CADM2: variants seen among roughly 807,000 people sequenced by gnomAD.
The protein encoded by CADM2 is immunoglobulin superfamily member 4D.
CADM2 carries 12 observed loss-of-function variants against 49.8 expected under a neutral mutation model. That is an observed-to-expected ratio of 0.24 (90% CI 0.15 to 0.39). CADM2 has a LOEUF of 0.39. CADM2 is among the 10% of genes least tolerant of loss of function. CADM2 has a pLI of 1.00. For missense variants in CADM2, 378 were observed against 492.3 expected (o/e 0.77, Z 2.20); for synonymous variants, 214 against 175.4 (o/e 1.22, Z -1.74).
chr3:85,951,407 C>A (rs1394627294), intron 7 of CADM2, among the ~76,000 whole-genome samples: 1 of 150,870 alleles, frequency 6.6e-6, no homozygotes, highest in Admixed American at 6.6e-5. Flanking sequence ...TTATTCAATC[C>A]TCTCCTTCCA....
In CADM2 at chr3:85,197,400, T is replaced by C. The variant is rs534935716; in HGVS notation, c.61+237732T>C. 3.3e-5 allele frequency among the ~76,000 whole-genome samples: 5 copies of C among 152,086 alleles called. No individual in the cohort carries two copies. The South Asian group carries it at 8.3e-4, about 25-fold the overall frequency. On this transcript the variant is annotated intron_variant, in intron 1 of 9. Transcript: ENST00000383699. ...ACTTTATTTTTTCAACAAACATTGA[T>C]TTTGTGCATACTTTGTGCCACTCTG...
At chr3:85,583,331 G>A (rs2062849897) in intron 1 of CADM2, among the ~76,000 whole-genome samples, 1 of 152,086 alleles carries the variant, frequency 6.6e-6, no homozygotes. Flanking sequence ...GGTTGCCAAA[G>A]GCGAACTTCA....
intron 1 of CADM2, among the ~76,000 whole-genome samples, chr3:85,080,532 G>A (rs1015657208): frequency 2.6e-5 from 4 of 151,842 alleles, no homozygotes; most frequent in African/African-American, 7.3e-5. Context: ...CAGAATTGTC[G>A]GTAGCAGTAC....
intron 8 of CADM2, among the ~76,000 whole-genome samples, chr3:86,029,999 A>G (rs948873054): frequency 6.6e-6 from 1 of 152,036 alleles, no homozygotes; most frequent in African/African-American, 2.4e-5. Context: ...TTTAATCTGA[A>G]TGATCAAAAG....
At chr3:85,764,728 A>G (rs993437505) in intron 2 of CADM2, among the ~76,000 whole-genome samples, 1 of 152,070 alleles carries the variant, frequency 6.6e-6, no homozygotes, top group Non-Finnish European at 1.5e-5. Context: ...ACTCCTAAAG[A>G]AATTGCAAGT....
intron 6 of CADM2, among the ~76,000 whole-genome samples, chr3:85,923,693 T>C (rs1719456784): frequency 6.6e-6 from 1 of 152,206 alleles, no homozygotes; most frequent in Non-Finnish European, 1.5e-5. Flanking sequence ...TGATGATTTA[T>C]ATCACTTGCA....
intron 8 of CADM2, among the ~76,000 whole-genome samples, chr3:85,995,343 T>G (rs1330871296): frequency 6.6e-6 from 1 of 152,192 alleles, no homozygotes; most frequent in African/African-American, 2.4e-5. Context: ...GCATTAAAAT[T>G]ATGGTGGAAA....
chr3:85,041,022 G>A (rs753972443), intron 1 of CADM2, among the ~76,000 whole-genome samples: 7 of 152,022 alleles, frequency 4.6e-5, no homozygotes, highest in African/African-American at 7.2e-5. Context: ...TTAAATATCA[G>A]TTTGGACCCT....
At chr3:84,996,679 T>C (rs891002767) in intron 1 of CADM2, among the ~76,000 whole-genome samples, 8 of 152,128 alleles carry the variant, frequency 5.3e-5, no homozygotes, top group African/African-American at 1.7e-4. Flanking sequence ...ATTGCCCATA[T>C]TGTCTGTGCC....
chr3:85,802,001 T>G, intron 2 of CADM2, 46 bp from the exon 3 acceptor site: 1 of 1,528,536 alleles, frequency 6.5e-7, no homozygotes, highest in Non-Finnish European at 8.9e-7. Context: ...CAGTTAATCA[T>G]TTTATGACTT....
chr3:85,706,264 A>C (rs575975090), intron 1 of CADM2, among the ~76,000 whole-genome samples: 3 of 152,186 alleles, frequency 2.0e-5, no homozygotes, highest in Non-Finnish European at 4.4e-5. Flanking sequence ...GGTTGCTCCC[A>C]ATTTACTTTT....
chr3:85,144,382 G>A (rs772841385), intron 1 of CADM2, among the ~76,000 whole-genome samples: 53 of 151,924 alleles, frequency 3.5e-4, no homozygotes, highest in Admixed American at 1.6e-3. Context: ...AGACCGAGGC[G>A]GGCAGATCAC....
intron 1 of CADM2, among the ~76,000 whole-genome samples, chr3:85,044,689 T>C (rs2035579197): frequency 6.6e-6 from 1 of 152,158 alleles, no homozygotes; most frequent in Non-Finnish European, 1.5e-5. Flanking sequence ...GGAAAGTCAG[T>C]TGCCAAGAAA....
intron 1 of CADM2, among the ~76,000 whole-genome samples, chr3:85,688,714 C>T (rs1286959341): frequency 2.6e-5 from 4 of 151,920 alleles, no homozygotes; most frequent in African/African-American, 7.3e-5. Context: ...ATTACAGGCA[C>T]CCACCACCAC....
At chr3:86,023,732 A>G (rs531842799) in intron 8 of CADM2, among the ~76,000 whole-genome samples, 1 of 152,170 alleles carries the variant, frequency 6.6e-6, no homozygotes, top group African/African-American at 2.4e-5. Flanking sequence ...CCTATCTTCC[A>G]TGGCTGTGGT....
In CADM2 at chr3:85,749,794, T is replaced by C. The variant is rs539218932; in HGVS notation, c.88+23246T>C. ...GAATTCTACCATTCCTTTTGTTTTA[T>C]TTTCAAGTGCTAACATTTGCCTATC... On this transcript the variant is annotated intron_variant, in intron 2 of 9. Coordinates refer to ENST00000383699, the MANE Select transcript of CADM2 (RefSeq NM_001167675.2). 3.3e-5 allele frequency among the ~76,000 whole-genome samples: 5 copies of C among 152,170 alleles called. No individual in the cohort carries two copies. The South Asian group carries it at 1.0e-3, about 32-fold the overall frequency.
chr3:85,528,625 G>T (rs1397135159), intron 1 of CADM2, among the ~76,000 whole-genome samples: 1 of 152,160 alleles, frequency 6.6e-6, no homozygotes, highest in Non-Finnish European at 1.5e-5. Context: ...GTAAAAGTTA[G>T]CTATGACTAC....
chr3:85,971,305 A>G (rs187583377), intron 8 of CADM2, among the ~76,000 whole-genome samples: 1 of 151,648 alleles, frequency 6.6e-6, no homozygotes. Context: ...TAGAAGATCA[A>G]CTCTGATCCA....
chr3:85,033,016 AAG>A (rs1199050119), intron 1 of CADM2, among the ~76,000 whole-genome samples: 3 of 152,166 alleles, frequency 2.0e-5, no homozygotes, highest in South Asian at 2.1e-4. Context: ...CATAGAGGAA[AAG>A]AGAGAATAAG....
Sources: allele counts gnomAD v4.1 joint callset (sites outside exome capture counted in the v4.1 genomes callset), GRCh38; gene constraint gnomAD v4.1.1; transcripts MANE v1.5; gene names NCBI Gene and HGNC (gene_info 2026-07-23, HGNC 2026-07-21).